The following ODF2L variants were observed in gnomAD, a reference collection of about 807,000 sequenced individuals.
ODF2L encodes the protein outer dense fiber of sperm tails 2 like, also known as protein BCAP.
A neutral mutation model predicts 86.3 loss-of-function variants in ODF2L; 76 were observed. The observed-to-expected ratio is 0.88, with a 90% CI of 0.73 to 1.07. ODF2L has a LOEUF of 1.07. Among genes scored for constraint, ODF2L ranks in the 50% least tolerant of loss-of-function variants. The pLI is 0.00. For synonymous variants in ODF2L, 241 were observed against 231.3 expected, an observed-to-expected ratio of 1.04 and a Z score of -0.38; for missense variants, 748 against 717.4, an observed-to-expected ratio of 1.04 and a Z score of -0.49.
chr1:86,364,120 T>C (rs1659232593), intron 11 of ODF2L, among the ~76,000 whole-genome samples: 1 of 152,216 alleles, frequency 6.6e-6, no homozygotes, highest in South Asian at 2.1e-4. Context: ...TTATAGTCTA[T>C]ATAATTTAAA....
intron 13 of ODF2L, chr1:86,358,362 T>G (rs1016238481): frequency 6.6e-6 from 1 of 152,628 alleles, no homozygotes; most frequent in South Asian, 2.1e-4. Context: ...AAATGATCGT[T>G]TTTTAAAAGA....
At chr1:86,394,840 C>CT (rs33996151) in intron 1 of ODF2L, among the ~76,000 whole-genome samples, 4,457 of 129,248 alleles carry the variant, frequency 0.034, 222 homozygotes, top group East Asian at 0.12. Flanking sequence ...TTTCTTTTTC[C>CT]TTTTTTTTTT....
At chr1:86,395,064 C>T (rs1661629935) in intron 1 of ODF2L, among the ~76,000 whole-genome samples, 1 of 151,956 alleles carries the variant, frequency 6.6e-6, no homozygotes, top group Admixed American at 6.6e-5. Context: ...AGGATGGTCT[C>T]GATCTCCTAA....
At chr1:86,395,136 C>T (rs961167877) in intron 1 of ODF2L, among the ~76,000 whole-genome samples, 1 of 152,206 alleles carries the variant, frequency 6.6e-6, no homozygotes, top group Non-Finnish European at 1.5e-5. Context: ...AGCCACCGCG[C>T]CCGGCCCGGT....
chr1:86,376,345 T>C (rs749275845), exon 8 of ODF2L: 2 of 1,613,044 alleles, frequency 1.2e-6, no homozygotes, highest in South Asian at 2.2e-5. Flanking sequence ...CCTACTTGCT[T>C]CTTTCATCAC....
At chr1:86,357,604 A>AG (rs554840993) in intron 13 of ODF2L, 1 of 47,124 alleles carries the variant, frequency 2.1e-5, no homozygotes, top group African/African-American at 1.3e-4. Flanking sequence ...GTAAAACAGG[A>AG]AAAAAAAAAA....
Position 86,354,581 on chromosome 1 carries a change from A to G in ODF2L, c.1716T>C (p.Tyr572=), listed in dbSNP as rs186088692. Residue 572 remains tyrosine (Y), a synonymous_variant, in exon 16 of 18, where the codon TAT becomes TAC. Transcript: ENST00000317336. The stretch of plus-strand genomic sequence containing the variant: ...CTTCCAGTTGTCTGGCCAATGCTGT[A>G]TACTCTGCAGATTTCTCTTTAAACT... The G allele has an allele frequency of 1.4e-5, 22 of 1,609,874 alleles. No homozygotes were observed. The East Asian group carries it at 4.9e-4, about 36-fold the overall frequency.
rs12023726 is a variant in ODF2L, at chr1:86,389,722, T to C, written c.-59-2636A>G. On this transcript the variant is annotated intron_variant, in intron 1 of 17. Transcript: ENST00000317336. Reference sequence around the variant, plus strand: ...AAATGGGAGATACTACAACTGACACTACAGAAATACAAAAGATCACTCAGG... The same window carrying C: ...AAATGGGAGATACTACAACTGACACCACAGAAATACAAAAGATCACTCAGG... Among the ~76,000 whole-genome samples, 1,696 of 152,122 alleles carry C rather than the reference T, an allele frequency of 0.011. 67 individuals are homozygous for C. In the East Asian group the frequency reaches 0.12, roughly 10 times the overall value.
exon 18 of ODF2L, chr1:86,351,998 T>C: frequency 7.7e-7 from 1 of 1,291,504 alleles, no homozygotes; most frequent in Non-Finnish European, 9.9e-7. Context: ...AGTCAAATGG[T>C]GAGTTAAAAA....
intron 2 of ODF2L, chr1:86,385,921 C>G: frequency 5.9e-6 from 1 of 169,042 alleles, no homozygotes; most frequent in Non-Finnish European, 1.2e-5. Flanking sequence ...TAAAACATAA[C>G]GGCTCATTAA....
At chr1:86,374,520 G>C (rs1432440446) in intron 8 of ODF2L, among the ~76,000 whole-genome samples, 2 of 152,074 alleles carry the variant, frequency 1.3e-5, no homozygotes, top group Admixed American at 1.3e-4. Flanking sequence ...AATTTTCAAA[G>C]AAGGAAATGG....
intron 5 of ODF2L, 45 bp downstream of exon 5, chr1:86,383,086 TAAC>T: frequency 7.5e-7 from 1 of 1,340,654 alleles, no homozygotes; most frequent in Non-Finnish European, 1.1e-6. Flanking sequence ...AGCATGCAAA[TAAC>T]AATGACAGGA....
At chr1:86,394,291 C>CTGTA (rs905254486) in intron 1 of ODF2L, among the ~76,000 whole-genome samples, 5 of 151,852 alleles carry the variant, frequency 3.3e-5, no homozygotes, top group African/African-American at 9.7e-5. Flanking sequence ...TGGTGGGCAC[C>CTGTA]TGTAGTCCCA....
At chr1:86,376,323 T>G in exon 8 of ODF2L, 1 of 1,612,430 alleles carries the variant, frequency 6.2e-7, no homozygotes, top group Non-Finnish European at 8.5e-7. Context: ...TTTTTAAAGC[T>G]ACAGTTTTTT....
At chr1:86,387,303 A>G (rs1661024659) in intron 1 of ODF2L, among the ~76,000 whole-genome samples, 1 of 152,214 alleles carries the variant, frequency 6.6e-6, no homozygotes, top group Admixed American at 6.5e-5. Context: ...ACTGTTTCCA[A>G]AAGGCCTGAT....
chr1:86,351,265 T>G (rs1658117019), exon 18 of ODF2L: 1 of 152,234 alleles, frequency 6.6e-6, no homozygotes, highest in African/African-American at 2.4e-5. Flanking sequence ...GAGTTAATTT[T>G]TGTATAAGGT....
chr1:86,371,042 C>T (rs1558032659), exon 10 of ODF2L: 1 of 1,574,112 alleles, frequency 6.4e-7, no homozygotes, highest in Non-Finnish European at 8.6e-7. Context: ...TCTCAAGATT[C>T]AGAGTTTCAT....
intron 3 of ODF2L, 146 bp from the exon 4 acceptor site, chr1:86,384,947 A>G: frequency 2.2e-6 from 1 of 459,602 alleles, no homozygotes; most frequent in Non-Finnish European, 3.5e-6. Context: ...AAATTTGTCA[A>G]TAGTAAATTG....
intron 1 of ODF2L, among the ~76,000 whole-genome samples, chr1:86,389,796 G>C (rs1204860517): frequency 6.6e-6 from 1 of 152,106 alleles, no homozygotes; most frequent in Non-Finnish European, 1.5e-5. Flanking sequence ...TAGAGGAGAT[G>C]GATAAATTCC....
Sources: gnomAD v4.1 joint callset for allele counts (sites outside exome capture counted in the v4.1 genomes callset) on GRCh38, gnomAD v4.1.1 for gene constraint, MANE v1.5 for transcripts, NCBI Gene and HGNC (gene_info 2026-07-23, HGNC 2026-07-21) for gene names.